ABCD4: variants seen among roughly 807,000 people sequenced by gnomAD.
ABCD4 encodes the protein ATP binding cassette subfamily D member 4.
A neutral mutation model predicts 86.3 loss-of-function variants in ABCD4; 53 were observed. The observed-to-expected ratio is 0.61, with a 90% CI of 0.49 to 0.77. ABCD4 has a LOEUF of 0.77. Ranked by LOEUF, ABCD4 falls within the 30% of genes least tolerant of loss-of-function variation. The pLI, the probability that ABCD4 is intolerant of heterozygous loss-of-function variation, is 0.00. For missense variants in ABCD4, 757 were observed against 764.5 expected (o/e 0.99, Z 0.12); for synonymous variants, 328 against 313.6 (o/e 1.05, Z -0.49).
At chr14:74,302,229 G>A (rs1700968102) in intron 1 of ABCD4, among the ~76,000 whole-genome samples, 1 of 152,164 alleles carries the variant, frequency 6.6e-6, no homozygotes, top group Non-Finnish European at 1.5e-5. Flanking sequence ...TCCACCACTA[G>A]GGGAATAAGT....
rs2082021625 is a variant in ABCD4, at chr14:74,293,253, C to T, written c.720-5G>A. 6.2e-7 allele frequency: 1 copy of T among 1,613,978 alleles called. No homozygotes were observed. Among genetic ancestry groups the T allele is most frequent in the Non-Finnish European group, 8.5e-7 (1 of 1,179,912 alleles). On this transcript the variant is annotated splice_polypyrimidine_tract_variant and splice_region_variant and intron_variant, in intron 7 of 18. Coordinates refer to ENST00000356924, the MANE Select transcript of ABCD4 (RefSeq NM_005050.4). ...ATGTGCTCCACATGCCCAGCTCTGACAAGGAAAGGCTGGGATGTCCACAGG... is the reference window on the plus strand; with the variant it reads ...ATGTGCTCCACATGCCCAGCTCTGATAAGGAAAGGCTGGGATGTCCACAGG...
chr14:74,300,674 T>C (rs1232223830), intron 1 of ABCD4, among the ~76,000 whole-genome samples: 1 of 151,168 alleles, frequency 6.6e-6, no homozygotes, highest in African/African-American at 2.4e-5. Context: ...AGTAACACTA[T>C]CATGTTAATA....
chr14:74,295,706 A>G, intron 6 of ABCD4, 148 bp downstream of exon 6: 1 of 1,020,916 alleles, frequency 9.8e-7, no homozygotes, highest in Non-Finnish European at 1.4e-6. Flanking sequence ...AGACAAGAAC[A>G]TTGAAGCTTG....
At chr14:74,293,124 G>A in intron 8 of ABCD4, 30 bp downstream of exon 8, 2 of 1,605,220 alleles carry the variant, frequency 1.2e-6, no homozygotes, top group Middle Eastern at 1.8e-4. Flanking sequence ...CAACCCCATG[G>A]TTCCCACTTC....
At chr14:74,295,467 G>T (rs1453367534) in intron 6 of ABCD4, among the ~76,000 whole-genome samples, 1 of 152,178 alleles carries the variant, frequency 6.6e-6, no homozygotes, top group Admixed American at 6.5e-5. Flanking sequence ...CTCCTCCCAG[G>T]GCCTGGCCCA....
intron 15 of ABCD4, 103 bp from the exon 16 acceptor site, chr14:74,288,362 A>T: frequency 3.5e-6 from 4 of 1,158,182 alleles, no homozygotes. Flanking sequence ...CACACCTCTA[A>T]GACAAATATA....
At chr14:74,300,413 G>T in intron 1 of ABCD4, 145 bp from the exon 2 acceptor site, 1 of 611,804 alleles carries the variant, frequency 1.6e-6, no homozygotes, top group Non-Finnish European at 2.9e-6. Context: ...TGGTAGGCTG[G>T]GAACAGACCA....
Position 74,288,212 on chromosome 14 carries a change from C to A in ABCD4, c.1554G>T (p.Trp518Cys), listed in dbSNP as rs1019006078. The A allele has an allele frequency of 1.2e-6, 2 of 1,612,230 alleles. No individual in the cohort carries two copies. The highest frequency in any genetic ancestry group is 2.2e-5 in the East Asian group (1 of 44,856). Residue 518 changes from tryptophan to cysteine, a missense_variant, in exon 16 of 19, where the codon TGG (tryptophan) becomes TGT (cysteine). Coordinates refer to ENST00000356924, the MANE Select transcript of ABCD4 (RefSeq NM_005050.4). ...RTEGLDQQVD[W>C]NWYDVLSPGE... ...CACCCAAGCTCTTTTCTTACCAGTT[C>A]CAGTCCACCTGCTGGTCCAGGCCCT...
intron 3 of ABCD4, 97 bp downstream of exon 3, chr14:74,299,451 G>C (rs1660842895): frequency 2.7e-6 from 4 of 1,486,334 alleles, no homozygotes; most frequent in Admixed American, 3.6e-5. Context: ...CACCCCCACA[G>C]CTTGCTTCCT....
chr14:74,297,975 C>A lies in ABCD4; in HGVS notation c.380G>T (p.Arg127Leu). Residue 127 changes from arginine to leucine, a missense_variant, in exon 4 of 19, where the codon CGT becomes CTT. Coordinates refer to ENST00000356924, the MANE Select transcript of ABCD4 (RefSeq NM_005050.4). ...CAGCACGTTGAGGGTGTAGTACGCACGGCCCCGGAAGTAGAGGCGGTGAAG... is the reference window on the plus strand; with the variant it reads ...CAGCACGTTGAGGGTGTAGTACGCAAGGCCCCGGAAGTAGAGGCGGTGAAG... ...EHLHRLYFRGRAYYTLNVLRD... is the reference protein window; with the variant it reads ...EHLHRLYFRGLAYYTLNVLRD... 6.2e-7 allele frequency: 1 copy of A among 1,613,990 alleles called. No individual in the cohort carries two copies. The highest frequency in any genetic ancestry group is 8.5e-7 in the Non-Finnish European group (1 of 1,179,972).
At chr14:74,292,218 AG>A (rs1285443648) in intron 11 of ABCD4, 68 bp downstream of exon 11, 6 of 1,493,224 alleles carry the variant, frequency 4.0e-6, no homozygotes, top group Non-Finnish European at 4.7e-6. Flanking sequence ...GCAGGACTCC[AG>A]GGTAACCCAA....
chr14:74,295,743 A>G, intron 6 of ABCD4, 111 bp downstream of exon 6: 5 of 1,456,016 alleles, frequency 3.4e-6, no homozygotes, highest in Non-Finnish European at 4.7e-6. Context: ...CTCCAAGATC[A>G]CACAGCTAGT....
intron 13 of ABCD4, 97 bp from the exon 14 acceptor site, chr14:74,289,616 AAGG>A (rs997465650): frequency 1.5e-5 from 23 of 1,547,520 alleles, no homozygotes; most frequent in Non-Finnish European, 2.0e-5. Context: ...GGAACCTCCC[AAGG>A]AGGAGAGGTG....
At chr14:74,289,966 G>A (rs972188527) in intron 13 of ABCD4, 61 bp downstream of exon 13, 1 of 1,611,110 alleles carries the variant, frequency 6.2e-7, no homozygotes, top group Non-Finnish European at 8.5e-7. Flanking sequence ...AGTGCCAGAG[G>A]TCCCAGCTGT....
In ABCD4 at chr14:74,292,597, T is replaced by C. The variant is rs1308869668; in HGVS notation, c.982A>G (p.Ile328Val). The change falls in exon 10 of 19, where the codon ATC becomes GTC. Residue 328 changes from isoleucine to valine, a missense_variant. Coordinates refer to ENST00000356924, the MANE Select transcript of ABCD4 (RefSeq NM_005050.4). ...IYLISCFTQLIDLSTTLSDVA... is the reference protein window; with the variant it reads ...IYLISCFTQLVDLSTTLSDVA... ...TCTGAGAGCGTCGTGGACAGGTCGA[T>C]GAGCTGGGTGAAGCAGCTGATGAGG... 6.2e-7 allele frequency: 1 copy of C among 1,612,242 alleles called. No individual in the cohort carries two copies. The highest frequency in any genetic ancestry group is 1.7e-5 in the Admixed American group (1 of 59,826).
Position 74,296,290 on chromosome 14 carries a change from G to A in ABCD4, c.542+43C>T, listed in dbSNP as rs750627334. On this transcript the variant is annotated intron_variant, in intron 5 of 18. Coordinates refer to ENST00000356924, the MANE Select transcript of ABCD4 (RefSeq NM_005050.4). ...CTTGACCTGGGAGAGCTGACTGAGG[G>A]CCCTCTGGGGAAACACCAGGCTGGG... 10 of 1,573,062 alleles carry A rather than the reference G, an allele frequency of 6.4e-6. No individual in the cohort carries two copies. The African/African-American group carries it at 1.2e-4, about 19-fold the overall frequency.
At chr14:74,288,060 G>T in intron 16 of ABCD4, 147 bp downstream of exon 16, 1 of 1,087,068 alleles carries the variant, frequency 9.2e-7, no homozygotes, top group Non-Finnish European at 1.3e-6. Context: ...GCAAAACTCT[G>T]TTCCCAAGGG....
chr14:74,290,567 G>T, intron 11 of ABCD4, 68 bp from the exon 12 acceptor site: 2 of 1,219,080 alleles, frequency 1.6e-6, no homozygotes, highest in Non-Finnish European at 2.4e-6. Flanking sequence ...GGGAGGCACT[G>T]CTCCCGGGAG....
At chr14:74,288,183 G>A (rs765719511) in intron 16 of ABCD4, 24 bp downstream of exon 16, 2 of 1,611,294 alleles carry the variant, frequency 1.2e-6, no homozygotes, top group South Asian at 1.1e-5. Context: ...GGCTATCTCT[G>A]GAGCACCCAA....
Sources: gnomAD v4.1 joint callset for allele counts (sites outside exome capture counted in the v4.1 genomes callset) on GRCh38, gnomAD v4.1.1 for gene constraint, MANE v1.5 for transcripts, NCBI Gene and HGNC (gene_info 2026-07-23, HGNC 2026-07-21) for gene names.